Variants in MAD1L1 observed in about 807,000 individuals in gnomAD.
MAD1L1 encodes mitotic spindle assembly checkpoint protein MAD1.
Under a neutral mutation model 96.9 loss-of-function variants are expected in MAD1L1, and 95 were observed. The ratio of observed to expected loss-of-function variants is 0.98; its 90% CI spans 0.83 to 1.16. MAD1L1 has a LOEUF of 1.16. MAD1L1 is among the 50% of genes most tolerant of loss of function. MAD1L1 has a pLI of 0.00. For synonymous variants in MAD1L1, 473 were observed against 396.6 expected, an observed-to-expected ratio of 1.19 and a Z score of -2.29; for missense variants, 1,007 against 954.4, an observed-to-expected ratio of 1.06 and a Z score of -0.73.
chr7:1,819,023 G>A (rs1383659168), intron 18 of MAD1L1, among the ~76,000 whole-genome samples: 2 of 152,074 alleles, frequency 1.3e-5, no homozygotes, highest in East Asian at 3.9e-4. Context: ...AGCGTACCCA[G>A]CCACATTGGG....
chr7:2,070,672 C>T (rs1348591999), intron 11 of MAD1L1, among the ~76,000 whole-genome samples: 1 of 152,238 alleles, frequency 6.6e-6, no homozygotes, highest in Non-Finnish European at 1.5e-5. Context: ...CAAAGGAAAT[C>T]TTAACTAAAT....
At chr7:1,996,779 G>A (rs1056225037) in intron 14 of MAD1L1, among the ~76,000 whole-genome samples, 3 of 152,128 alleles carry the variant, frequency 2.0e-5, no homozygotes, top group African/African-American at 7.2e-5. Context: ...CTTAATCAGA[G>A]CTGAGAGCGG....
chr7:2,169,033 A>G (rs1410324639), intron 10 of MAD1L1, among the ~76,000 whole-genome samples: 1 of 152,204 alleles, frequency 6.6e-6, no homozygotes, highest in Non-Finnish European at 1.5e-5. Flanking sequence ...AAAAATGTGT[A>G]CCCGGTGCTT....
intron 12 of MAD1L1, among the ~76,000 whole-genome samples, chr7:2,036,753 T>C (rs1783454117): frequency 6.6e-6 from 1 of 152,028 alleles, no homozygotes; most frequent in Non-Finnish European, 1.5e-5. Context: ...AGAGGTGCTG[T>C]AAAGACTCAA....
chr7:1,957,933 C>T (rs1399854532), intron 15 of MAD1L1, among the ~76,000 whole-genome samples: 1 of 152,214 alleles, frequency 6.6e-6, no homozygotes, highest in East Asian at 1.9e-4. Flanking sequence ...CGTGGCGGCC[C>T]CTGCTCAGCT....
chr7:2,074,747 C>T (rs1785296519), intron 11 of MAD1L1, among the ~76,000 whole-genome samples: 2 of 152,186 alleles, frequency 1.3e-5, no homozygotes, highest in Non-Finnish European at 1.5e-5. Context: ...AGCTGCGAGG[C>T]AACAACTCAG....
chr7:2,026,476 C>T (rs1053440778), intron 12 of MAD1L1, among the ~76,000 whole-genome samples: 5 of 152,180 alleles, frequency 3.3e-5, no homozygotes, highest in Admixed American at 6.5e-5. Flanking sequence ...ACACTGCACT[C>T]AACAATTGCA....
chr7:1,964,019 A>C (rs750514937), intron 15 of MAD1L1, among the ~76,000 whole-genome samples: 12 of 152,276 alleles, frequency 7.9e-5, no homozygotes, highest in African/African-American at 2.9e-4. Flanking sequence ...TCTAGCAGGG[A>C]AGTCCTGGTG....
chr7:2,143,357 T>A (rs1455504828), intron 11 of MAD1L1, among the ~76,000 whole-genome samples: 1 of 149,402 alleles, frequency 6.7e-6, no homozygotes, highest in African/African-American at 2.5e-5. Flanking sequence ...TCTGGATGAC[T>A]CAAGTGCACC....
intron 12 of MAD1L1, among the ~76,000 whole-genome samples, chr7:2,024,793 G>A (rs1303959122): frequency 6.6e-6 from 1 of 152,164 alleles, no homozygotes. Flanking sequence ...ATCTATGAAA[G>A]AAATTAAGTT....
intron 11 of MAD1L1, among the ~76,000 whole-genome samples, chr7:2,076,470 T>C (rs954100645): frequency 1.2e-4 from 19 of 152,234 alleles, no homozygotes; most frequent in African/African-American, 4.6e-4. Context: ...GCTCCACAGC[T>C]GTGAGAAACG....
intron 10 of MAD1L1, among the ~76,000 whole-genome samples, chr7:2,154,016 C>T (rs759444170): frequency 1.3e-5 from 2 of 152,130 alleles, no homozygotes; most frequent in East Asian, 1.9e-4. Flanking sequence ...ATTAGCCAGG[C>T]GTGGTGGCAC....
chr7:2,217,106 C>A (rs1483896892), intron 7 of MAD1L1, among the ~76,000 whole-genome samples: 1 of 152,204 alleles, frequency 6.6e-6, no homozygotes, highest in Non-Finnish European at 1.5e-5. Flanking sequence ...CATCCCACCC[C>A]TCCCGTGTCA....
chr7:1,886,787 T>C (rs1786060879), intron 18 of MAD1L1, among the ~76,000 whole-genome samples: 1 of 152,272 alleles, frequency 6.6e-6, no homozygotes, highest in Admixed American at 6.5e-5. Context: ...GGCAGAGACC[T>C]GCTGCAGGGC....
chr7:2,164,004 G>A (rs750291442), intron 10 of MAD1L1, among the ~76,000 whole-genome samples: 3 of 152,048 alleles, frequency 2.0e-5, no homozygotes, highest in African/African-American at 4.8e-5. Flanking sequence ...CATTCATTGC[G>A]AATCTGTGAC....
At chr7:2,104,981 C>T (rs910205899) in intron 11 of MAD1L1, among the ~76,000 whole-genome samples, 7 of 152,234 alleles carry the variant, frequency 4.6e-5, no homozygotes, top group South Asian at 4.1e-4. Flanking sequence ...AAGGGAACTA[C>T]GCACAGCCCG....
chr7:1,866,818 G>A (rs931839408), intron 18 of MAD1L1, among the ~76,000 whole-genome samples: 1 of 152,224 alleles, frequency 6.6e-6, no homozygotes, highest in Admixed American at 6.5e-5. Flanking sequence ...AGGAGGCAGC[G>A]ACATAGGGCC....
chr7:2,042,533 C>A (rs565227954), intron 12 of MAD1L1, among the ~76,000 whole-genome samples: 1 of 152,206 alleles, frequency 6.6e-6, no homozygotes, highest in Non-Finnish European at 1.5e-5. Context: ...GATGTCTGCT[C>A]CCTCCAAATC....
At chr7:2,001,934 G>A (rs1396352209) in intron 14 of MAD1L1, 131 bp downstream of exon 14, 8 of 916,890 alleles carry the variant, frequency 8.7e-6, no homozygotes, top group Admixed American at 1.9e-5. Flanking sequence ...CCCGCTCAAC[G>A]CAGCTTCCGA....
Sources: gnomAD v4.1 joint callset for allele counts (sites outside exome capture counted in the v4.1 genomes callset) on GRCh38, gnomAD v4.1.1 for gene constraint, MANE v1.5 for transcripts, NCBI Gene and HGNC (gene_info 2026-07-23, HGNC 2026-07-21) for gene names.